MGAM2: variants seen among roughly 807,000 people sequenced by gnomAD.
MGAM2 encodes probable maltase-glucoamylase 2.
In MGAM2, 98 loss-of-function variants were observed where a neutral mutation model predicts 96.1. The ratio of observed to expected loss-of-function variants is 1.02; its 90% CI spans 0.87 to 1.21. The LOEUF is 1.21. Among genes scored for constraint, MGAM2 ranks in the 50% most tolerant of loss-of-function variants. The probability of loss-of-function intolerance (pLI) is 0.00; values close to 1 mark genes in which losing one functional copy is unlikely to be tolerated. For missense variants in MGAM2, 2,055 were observed against 1,182.4 expected, an observed-to-expected ratio of 1.74 and a Z score of -10.82; for synonymous variants, 749 against 414.8, an observed-to-expected ratio of 1.81 and a Z score of -9.79.
At position 142,160,263 on chromosome 7, in the gene MGAM2, G is replaced by A. The variant is rs1037149011; in HGVS notation, c.2345+5G>A. 1 of 696,292 alleles carries A rather than the reference G, an allele frequency of 1.4e-6. No homozygotes were observed. The highest frequency in any genetic ancestry group is 2.6e-6 in the Non-Finnish European group (1 of 382,054). The allele number at this position is 696,292 out of a possible 1,614,324, so 43.1% of individuals were successfully genotyped here. A position where few individuals can be genotyped will look rare whatever the true frequency, so the allele number is the denominator to read the frequency against. The stretch of plus-strand genomic sequence containing the variant: ...AAACACAACCACAGAAGCCAGGTAA[G>A]CTCCTTACTCTTCTAAGGTATGACT... On this transcript the variant is annotated splice_donor_5th_base_variant and intron_variant, in intron 21 of 47. Transcript: ENST00000477922.
chr7:142,160,583 G>A (rs1795858126), intron 21 of MGAM2, among the ~76,000 whole-genome samples: 1 of 151,780 alleles, frequency 6.6e-6, no homozygotes, highest in African/African-American at 2.4e-5. Context: ...GAGAATTTGA[G>A]TTAAATAGGA....
At chr7:142,219,847 T>A (rs755164170) in intron 47 of MGAM2, 23 bp from the exon 48 acceptor site, 5 of 674,366 alleles carry the variant, frequency 7.4e-6, no homozygotes, top group Non-Finnish European at 1.1e-5. Flanking sequence ...AAATACCCAT[T>A]TATATCTCTT....
intron 1 of MGAM2, among the ~76,000 whole-genome samples, chr7:142,113,094 T>A (rs1817229334): frequency 6.6e-6 from 1 of 152,180 alleles, no homozygotes; most frequent in Admixed American, 6.5e-5. Context: ...TATATACCTA[T>A]ATAAAAATAT....
chr7:142,161,908 G>T (rs1312944248), intron 22 of MGAM2, 47 bp from the exon 23 acceptor site: 1 of 660,264 alleles, frequency 1.5e-6, no homozygotes, highest in South Asian at 1.7e-5. Flanking sequence ...AGGACTCCCT[G>T]GCTGATTGGC....
In MGAM2 at chr7:142,121,204, G is replaced by A. The variant is rs1350527127; in HGVS notation, c.186+823G>A. ...TTTCTTTTCTTTTTTTTGAGACAGAGTCTCACCTTGTCTCCTGGCTGGAGT... is the reference window on the plus strand; with the variant it reads ...TTTCTTTTCTTTTTTTTGAGACAGAATCTCACCTTGTCTCCTGGCTGGAGT... On this transcript the variant is annotated intron_variant, in intron 3 of 47. Transcript: ENST00000477922. Among the ~76,000 whole-genome samples the A allele has an allele frequency of 2.7e-5, 4 of 149,470 alleles. No homozygotes were observed. The East Asian group carries it at 7.7e-4, about 29-fold the overall frequency.
In MGAM2 at chr7:142,119,232, A is replaced by T. The variant is rs552158978; in HGVS notation, c.107-1070A>T. On this transcript the variant is annotated intron_variant, in intron 2 of 47. Coordinates refer to ENST00000477922, the MANE Select transcript of MGAM2 (RefSeq NM_001293626.2). ...AAAGAAATACTACAAATCCAAATTT[A>T]AAAAAAAAAGGTTTCTAAATGAGTA... Among the ~76,000 whole-genome samples the T allele has an allele frequency of 1.1e-3, 158 of 149,606 alleles. 1 individual carries two copies. Among genetic ancestry groups the T allele is most frequent in the Middle Eastern group, 3.4e-3 (1 of 292 alleles).
rs1268071504 is a variant in MGAM2, at chr7:142,219,981, C to T, written c.5470C>T (p.Pro1824Ser). ...LPTPTKTSTI[P>S]MSSHPSPSTT... ...TACTCCAACTAAGACAAGTACCATCCCAATGAGTTCTCATCCTTCTCCATC... is the reference window on the plus strand; with the variant it reads ...TACTCCAACTAAGACAAGTACCATCTCAATGAGTTCTCATCCTTCTCCATC... The change falls in exon 48 of 48, where the codon CCA (proline) becomes TCA (serine). Residue 1824 changes from proline (P) to serine (S), a missense_variant. By Grantham distance (74) the Pro-to-Ser change is moderately conservative (BLOSUM62 -1). Transcript: ENST00000477922. 4 of 702,876 alleles carry T rather than the reference C, an allele frequency of 5.7e-6. No individual in the cohort carries two copies. The Admixed American group carries it at 8.0e-5, about 14-fold the overall frequency. 43.5% of individuals were successfully genotyped at this position (702,876 alleles called of 1,614,324 possible).
rs544578185 is a variant in MGAM2, at chr7:142,136,534, C to A, written c.748-7C>A. The A allele has an allele frequency of 4.5e-6, 3 of 669,292 alleles. No individual in the cohort carries two copies. Among genetic ancestry groups the A allele is most frequent in the South Asian group, 3.3e-5 (2 of 60,492 alleles). The allele number at this position is 669,292 out of a possible 1,614,324, so 41.5% of individuals were successfully genotyped here. The stretch of plus-strand genomic sequence containing the variant: ...ACACTATGACTTTTCTTCTGTTTTG[C>A]TGATAGGGCATGATTAATCTGTATG... On this transcript the variant is annotated splice_polypyrimidine_tract_variant and splice_region_variant and intron_variant, in intron 7 of 47. Coordinates refer to ENST00000477922, the MANE Select transcript of MGAM2 (RefSeq NM_001293626.2).
At chr7:142,196,048 T>C in intron 37 of MGAM2, 106 bp from the exon 38 acceptor site, 1 of 681,244 alleles carries the variant, frequency 1.5e-6, no homozygotes, top group East Asian at 2.7e-5. Context: ...GAAGAAGTTA[T>C]CTGACTCGGA....
At chr7:142,205,435 A>G (rs546743896) in intron 45 of MGAM2, among the ~76,000 whole-genome samples, 3 of 152,214 alleles carry the variant, frequency 2.0e-5, no homozygotes, top group Admixed American at 6.5e-5. Flanking sequence ...TCAGCAGTGT[A>G]TGAGGGTTCT....
intron 7 of MGAM2, 38 bp downstream of exon 7, chr7:142,134,190 G>A (rs1418194826): frequency 5.7e-6 from 4 of 700,634 alleles, no homozygotes; most frequent in African/African-American, 1.7e-5. Flanking sequence ...CCCACAGTAA[G>A]GGATACCCTC....
intron 3 of MGAM2, among the ~76,000 whole-genome samples, chr7:142,124,973 C>A (rs1419296799): frequency 6.6e-6 from 1 of 152,002 alleles, no homozygotes; most frequent in Non-Finnish European, 1.5e-5. Context: ...ATGTTACCTG[C>A]AAATAATAAC....
At chr7:142,140,348 T>C (rs775272711) in intron 10 of MGAM2, among the ~76,000 whole-genome samples, 12 of 152,232 alleles carry the variant, frequency 7.9e-5, no homozygotes, top group Non-Finnish European at 1.5e-4. Flanking sequence ...TTGTCATTGA[T>C]CTGTGTTAAT....
intron 15 of MGAM2, 99 bp downstream of exon 15, chr7:142,147,672 T>C (rs919971202): frequency 5.3e-6 from 3 of 562,602 alleles, no homozygotes; most frequent in African/African-American, 3.8e-5. Context: ...TGTTCAAATA[T>C]TTTTTGCATT....
At chr7:142,165,353 T>C (rs947453478) in intron 24 of MGAM2, among the ~76,000 whole-genome samples, 6 of 152,316 alleles carry the variant, frequency 3.9e-5, no homozygotes, top group African/African-American at 9.6e-5. Flanking sequence ...GGTCCTCTCA[T>C]TGAAGGGAGA....
At chr7:142,201,179 C>G (rs1349969977) in intron 45 of MGAM2, among the ~76,000 whole-genome samples, 1 of 138,650 alleles carries the variant, frequency 7.2e-6, no homozygotes, top group African/African-American at 2.7e-5. Context: ...AAGTGATTCT[C>G]CTGGCTCAGC....
Position 142,173,132 on chromosome 7 carries a change from A to G in MGAM2, c.3562-97A>G, listed in dbSNP as rs1796251032. On this transcript the variant is annotated intron_variant, in intron 30 of 47. Transcript: ENST00000477922. ...CTTTCTTGGGTGAGGCCTCTTATAC[A>G]GTACTTAGCAGAAACACTCAAGTTG... is the stretch of plus-strand genomic sequence containing the variant. The G allele has an allele frequency of 4.3e-5, 28 of 650,832 alleles. No homozygotes were observed. The South Asian group carries it at 4.5e-4, about 10-fold the overall frequency. The allele number at this position is 650,832 out of a possible 1,614,324, so 40.3% of individuals were successfully genotyped here. A position where few individuals can be genotyped will look rare whatever the true frequency, so the allele number is the denominator to read the frequency against.
At chr7:142,137,665 G>A (rs1795099310) in intron 9 of MGAM2, 120 bp downstream of exon 9, 1 of 460,670 alleles carries the variant, frequency 2.2e-6, no homozygotes. Context: ...TGCTGGGATA[G>A]TGAGTCTTTC....
At chr7:142,131,262 A>G (rs918194002) in intron 4 of MGAM2, among the ~76,000 whole-genome samples, 191 bp downstream of exon 4, 2 of 151,990 alleles carry the variant, frequency 1.3e-5, no homozygotes, top group African/African-American at 4.8e-5. Context: ...ATGTGGTGAA[A>G]CCCCGTCTCT....
Sources: gnomAD v4.1 joint callset for allele counts (sites outside exome capture counted in the v4.1 genomes callset) on GRCh38, gnomAD v4.1.1 for gene constraint, MANE v1.5 for transcripts, NCBI Gene and HGNC (gene_info 2026-07-23, HGNC 2026-07-21) for gene names.